Variants in WASHC4 observed in about 807,000 individuals in gnomAD.
WASHC4 encodes WASH complex subunit 4.
A neutral mutation model predicts 166.6 loss-of-function variants in WASHC4; 86 were observed. The observed-to-expected ratio is 0.52, with a 90% CI of 0.43 to 0.62. The LOEUF is 0.62. Ranked by LOEUF, WASHC4 falls within the 20% of genes least tolerant of loss-of-function variation. The pLI, the probability that WASHC4 is intolerant of heterozygous loss-of-function variation, is 0.00. For missense variants in WASHC4, 1,262 were observed against 1,382.4 expected, an observed-to-expected ratio of 0.91 and a Z score of 1.38; for synonymous variants, 446 against 451.6, an observed-to-expected ratio of 0.99 and a Z score of 0.16.
rs1485424495 is a variant in WASHC4, at chr12:105,140,379, T to G, written c.1538T>G (p.Leu513Arg). Residue 513 changes from leucine (L) to arginine (R), a missense_variant, in exon 16 of 33, where the codon CTT becomes CGT. By Grantham distance (102) the Leu-to-Arg change is moderately radical. Transcript: ENST00000332180. ...ACACAGCACCTTCAACATCAGGCTC[T>G]TCATTCTATTTCTGTGGCCAAGGTA... ...HITQHLQHQALHSISVAKKRV... is the reference protein window; with the variant it reads ...HITQHLQHQARHSISVAKKRV... 1.9e-6 allele frequency: 3 copies of G among 1,612,290 alleles called. No homozygotes were observed. Among genetic ancestry groups the G allele is most frequent in the Non-Finnish European group, 2.5e-6 (3 of 1,178,298 alleles).
intron 2 of WASHC4, 24 bp downstream of exon 2, chr12:105,111,288 A>G: frequency 6.8e-7 from 1 of 1,477,906 alleles, no homozygotes; most frequent in Non-Finnish European, 9.4e-7. Flanking sequence ...TTTTAAAAAT[A>G]TATGTATATA....
intron 32 of WASHC4, among the ~76,000 whole-genome samples, chr12:105,164,948 T>C (rs1884722453): frequency 6.6e-6 from 1 of 152,256 alleles, no homozygotes; most frequent in Admixed American, 6.5e-5. Flanking sequence ...ATTTCACACT[T>C]GGTAACCCTT....
chr12:105,165,002 T>G (rs975628201), intron 32 of WASHC4, among the ~76,000 whole-genome samples: 1 of 152,222 alleles, frequency 6.6e-6, no homozygotes, highest in African/African-American at 2.4e-5. Flanking sequence ...TAAATACACT[T>G]TTCACAAGTT....
chr12:105,127,411 G>C (rs1169642475), intron 13 of WASHC4, 122 bp downstream of exon 13: 1 of 786,342 alleles, frequency 1.3e-6, no homozygotes. Context: ...ATAAGTAAGG[G>C]TCAGGCAATC....
chr12:105,140,540 T>C (rs1204847841), intron 16 of WASHC4, 139 bp downstream of exon 16: 1 of 696,170 alleles, frequency 1.4e-6, no homozygotes, highest in Admixed American at 2.8e-5. Context: ...ATCTCCATAG[T>C]ATTTTACAAT....
chr12:105,139,238 G>T (rs1191388461), intron 15 of WASHC4, among the ~76,000 whole-genome samples: 2 of 151,286 alleles, frequency 1.3e-5, no homozygotes, highest in Non-Finnish European at 3.0e-5. Flanking sequence ...ACTTCGGGTT[G>T]TTTCCGGTTT....
chr12:105,141,242 G>A lies in WASHC4; in HGVS notation c.1783G>A (p.Glu595Lys). 2 of 1,597,856 alleles carry A rather than the reference G, an allele frequency of 1.3e-6. No homozygotes were observed. Among genetic ancestry groups the A allele is most frequent in the Non-Finnish European group, 1.7e-6 (2 of 1,165,230 alleles). ...KKLDLISELR[E>K]RVQTQCDCCF... ...ACTGGATCTTATTAGTGAACTTAGA[G>A]AACGGTAAGTAGGACTGGGATATGC... Residue 595 changes from glutamate to lysine, a missense_variant, in exon 18 of 33, where the codon GAA becomes AAA. Transcript: ENST00000332180.
At chr12:105,128,318 TTTAGA>T (rs1279998459) in intron 13 of WASHC4, among the ~76,000 whole-genome samples, 2 of 152,202 alleles carry the variant, frequency 1.3e-5, no homozygotes, top group African/African-American at 4.8e-5. Context: ...AATGTTTAGA[TTTAGA>T]TTAAAGAGCT....
intron 19 of WASHC4, 93 bp from the exon 20 acceptor site, chr12:105,143,034 G>T (rs896870067): frequency 6.3e-6 from 5 of 793,954 alleles, no homozygotes; most frequent in Non-Finnish European, 1.1e-5. Context: ...TCAGATCGAG[G>T]TTTTGTCTTT....
intron 23 of WASHC4, 90 bp from the exon 24 acceptor site, chr12:105,146,952 A>G (rs916377705): frequency 9.1e-6 from 7 of 768,620 alleles, no homozygotes; most frequent in Admixed American, 9.1e-5. Flanking sequence ...TCTTTAATGA[A>G]ATAGATTCTA....
At chr12:105,138,412 C>T (rs1014461383) in intron 15 of WASHC4, among the ~76,000 whole-genome samples, 2 of 149,982 alleles carry the variant, frequency 1.3e-5, no homozygotes, top group African/African-American at 2.4e-5. Context: ...TGTTTACATG[C>T]GTATGAGGTT....
intron 26 of WASHC4, among the ~76,000 whole-genome samples, chr12:105,153,355 A>C (rs1164219591): frequency 6.6e-6 from 1 of 152,210 alleles, no homozygotes; most frequent in Non-Finnish European, 1.5e-5. Flanking sequence ...ATACGTTATA[A>C]GCATTTCATT....
At position 105,157,061 on chromosome 12, in the gene WASHC4, T is replaced by C. The variant is rs888260183; in HGVS notation, c.2826-175T>C. On this transcript the variant is annotated intron_variant, in intron 27 of 32. Coordinates refer to ENST00000332180, the MANE Select transcript of WASHC4 (RefSeq NM_015275.3). ...ATGATTTTAAGGATTAAAATATTCA[T>C]ATCTAAAATTCAATTTGGAACTAAA... Among the ~76,000 whole-genome samples, 7 of 152,246 alleles carry C rather than the reference T, an allele frequency of 4.6e-5. 1 individual carries two copies. Among genetic ancestry groups the C allele is most frequent in the Admixed American group, 2.6e-4 (4 of 15,280 alleles).
intron 4 of WASHC4, 42 bp from the exon 5 acceptor site, chr12:105,115,140 CAA>C: frequency 9.2e-7 from 1 of 1,084,902 alleles, no homozygotes; most frequent in Non-Finnish European, 1.4e-6. Flanking sequence ...AATTTGGAAA[CAA>C]AACAACCTTT....
intron 30 of WASHC4, 106 bp downstream of exon 30, chr12:105,162,951 CTTTCTTT>C: frequency 4.5e-6 from 3 of 661,084 alleles, no homozygotes; most frequent in Non-Finnish European, 7.7e-6. Context: ...ATAGATTTTT[CTTTCTTT>C]TTTCTTTTTT....
intron 6 of WASHC4, among the ~76,000 whole-genome samples, chr12:105,116,075 T>C (rs998767406): frequency 3.3e-5 from 5 of 152,120 alleles, no homozygotes; most frequent in African/African-American, 1.2e-4. Context: ...ACATGAGCAA[T>C]GATGAAGTTG....
chr12:105,120,405 G>A lies in WASHC4; in HGVS notation c.519-150G>A, dbSNP rs930112293. ...AAGTAGTTCTCTTCTTGGGAAAGTG[G>A]ACTTGACGCTCTTAAATTTTAAATA... On this transcript the variant is annotated intron_variant, in intron 7 of 32. Transcript: ENST00000332180. The A allele has an allele frequency of 3.6e-5, 21 of 590,714 alleles. 1 individual carries two copies. The highest frequency in any genetic ancestry group is 3.1e-4 in the South Asian group (16 of 51,522). The allele number at this position is 590,714 out of a possible 1,614,324, so 36.6% of individuals were successfully genotyped here.
chr12:105,160,167 T>C lies in WASHC4; in HGVS notation c.3060+19T>C, dbSNP rs1180640689. The C allele has an allele frequency of 1.1e-5, 18 of 1,604,252 alleles. No individual in the cohort carries two copies. Among genetic ancestry groups the C allele is most frequent in the Non-Finnish European group, 1.5e-5 (17 of 1,171,736 alleles). On this transcript the variant is annotated intron_variant, in intron 29 of 32. Transcript: ENST00000332180. ...CCCTCTGGTGAGTATTTCCAGAACC[T>C]AAAATGAATTTTTTTTTTAAAAAGA... is the stretch of plus-strand genomic sequence containing the variant.
At chr12:105,108,839 T>C (rs933974008) in intron 1 of WASHC4, among the ~76,000 whole-genome samples, 7 of 152,162 alleles carry the variant, frequency 4.6e-5, no homozygotes, top group African/African-American at 1.2e-4. Context: ...ATGCCTACAA[T>C]GTTAGATGAA....
Sources: allele counts gnomAD v4.1 joint callset (sites outside exome capture counted in the v4.1 genomes callset), GRCh38; gene constraint gnomAD v4.1.1; transcripts MANE v1.5; gene names NCBI Gene and HGNC (gene_info 2026-07-23, HGNC 2026-07-21).